Variants in FREM2 observed in about 807,000 individuals in gnomAD.
FREM2 encodes the protein FRAS1 related extracellular matrix 2.
Under a neutral mutation model 219.9 loss-of-function variants are expected in FREM2, and 119 were observed. That is an observed-to-expected ratio of 0.54 (90% CI 0.47 to 0.63). FREM2 has a LOEUF of 0.63. Among genes scored for constraint, FREM2 ranks in the 30% least tolerant of loss-of-function variants. FREM2 has a pLI of 0.00. For missense variants in FREM2, 4,030 were observed against 3,993.6 expected, an observed-to-expected ratio of 1.01 and a Z score of -0.25; for synonymous variants, 1,562 against 1,522.8, an observed-to-expected ratio of 1.03 and a Z score of -0.60.
At chr13:38,751,644 T>C (rs1378452360) in intron 2 of FREM2, among the ~76,000 whole-genome samples, 2 of 152,196 alleles carry the variant, frequency 1.3e-5, no homozygotes, top group Non-Finnish European at 2.9e-5. Context: ...AGATTTTGTA[T>C]TATAATGTAT....
At chr13:38,695,948 GGAAAGATAACCATACA>G (rs1317730564) in intron 1 of FREM2, among the ~76,000 whole-genome samples, 1 of 152,080 alleles carries the variant, frequency 6.6e-6, no homozygotes, top group Non-Finnish European at 1.5e-5. Context: ...TCATCTACTG[GGAAAGATAACCATACA>G]GAAAGATAAA....
chr13:38,824,722 C>T (rs1876206540), intron 6 of FREM2, among the ~76,000 whole-genome samples: 1 of 151,978 alleles, frequency 6.6e-6, no homozygotes, highest in African/African-American at 2.4e-5. Flanking sequence ...GTTAGATACA[C>T]ACAAAACCTG....
chr13:38,783,400 A>G (rs530955524), intron 5 of FREM2, among the ~76,000 whole-genome samples: 20 of 151,706 alleles, frequency 1.3e-4, no homozygotes, highest in Non-Finnish European at 2.5e-4. Context: ...ACTTACTGCA[A>G]TACTCAAGGC....
intron 11 of FREM2, among the ~76,000 whole-genome samples, chr13:38,852,215 T>C (rs981985193): frequency 3.9e-5 from 6 of 152,172 alleles, no homozygotes; most frequent in East Asian, 1.9e-4. Context: ...CTACCACTTA[T>C]AAGTGAGAAC....
At chr13:38,695,087 A>G (rs1335880419) in intron 1 of FREM2, among the ~76,000 whole-genome samples, 1 of 152,232 alleles carries the variant, frequency 6.6e-6, no homozygotes, top group Non-Finnish European at 1.5e-5. Flanking sequence ...AATCTAGATA[A>G]TTCTTAGATA....
At chr13:38,844,763 C>G (rs1041991516) in intron 6 of FREM2, among the ~76,000 whole-genome samples, 7 of 152,176 alleles carry the variant, frequency 4.6e-5, no homozygotes, top group Admixed American at 1.3e-4. Context: ...AAGAGACTTA[C>G]AGAGATCACT....
rs750989546 is a variant in FREM2, at chr13:38,864,523, G to T, written c.7900G>T (p.Ala2634Ser). Residue 2634 changes from alanine to serine, a missense_variant, in exon 16 of 24, where the codon GCC becomes TCC. Physicochemically the swap from Ala to Ser is moderately conservative, Grantham distance 99 (BLOSUM62 1). Transcript: ENST00000280481. Reference protein sequence around the residue: ...LRFYRNLNLEACLWEFVSYYD... With the variant: ...LRFYRNLNLESCLWEFVSYYD... ...CTTCTACCGGAACCTGAACCTAGAG[G>T]CCTGTTTATGGGAGTTCGTTAGCTA... The T allele has an allele frequency of 1.2e-6, 2 of 1,614,190 alleles. No individual in the cohort carries two copies. Among genetic ancestry groups the T allele is most frequent in the East Asian group, 2.2e-5 (1 of 44,888 alleles).
chr13:38,814,948 C>T (rs1875704704), intron 6 of FREM2, among the ~76,000 whole-genome samples: 1 of 152,266 alleles, frequency 6.6e-6, no homozygotes, highest in Non-Finnish European at 1.5e-5. Flanking sequence ...AGGCACAGGA[C>T]TCAGCCTTCA....
rs9576631 is a variant in FREM2, at chr13:38,865,698, C to T, written c.7983+1092C>T. 4.5e-4 allele frequency among the ~76,000 whole-genome samples: 68 copies of T among 152,260 alleles called. No individual in the cohort carries two copies. In the East Asian group the frequency reaches 0.01, roughly 23 times the overall value. Reference sequence around the variant, plus strand: ...AGAGGTGGTGAGACATGACCATAGCCACCTTGTCAAAAAGCAGCAACATTT... The same window carrying T: ...AGAGGTGGTGAGACATGACCATAGCTACCTTGTCAAAAAGCAGCAACATTT... On this transcript the variant is annotated intron_variant, in intron 16 of 23. Coordinates refer to ENST00000280481, the MANE Select transcript of FREM2 (RefSeq NM_207361.6).
In FREM2 at chr13:38,816,601, A is replaced by G. The variant is rs139276935; in HGVS notation, c.6020-29972A>G. Reference sequence around the variant, plus strand: ...CAATGCAGTAACAGCCATATATGACAAACACACAGCTAACATCATACAGAG... The same window carrying G: ...CAATGCAGTAACAGCCATATATGACGAACACACAGCTAACATCATACAGAG... On this transcript the variant is annotated intron_variant, in intron 6 of 23. Transcript: ENST00000280481. 9.2e-5 allele frequency among the ~76,000 whole-genome samples: 14 copies of G among 152,344 alleles called. No homozygotes were observed. The East Asian group carries it at 2.5e-3, about 27-fold the overall frequency.
At chr13:38,847,443 T>A (rs1396426171) in intron 7 of FREM2, among the ~76,000 whole-genome samples, 1 of 152,190 alleles carries the variant, frequency 6.6e-6, no homozygotes, top group Non-Finnish European at 1.5e-5. Context: ...GGTTTTAACT[T>A]TTTTAATGTA....
intron 2 of FREM2, among the ~76,000 whole-genome samples, chr13:38,760,471 A>G (rs985033030): frequency 6.6e-6 from 1 of 152,224 alleles, no homozygotes; most frequent in East Asian, 1.9e-4. Context: ...CCACAAAGGA[A>G]GTGGAAGGGT....
At chr13:38,835,140 G>C (rs1239674679) in intron 6 of FREM2, among the ~76,000 whole-genome samples, 1 of 152,162 alleles carries the variant, frequency 6.6e-6, no homozygotes, top group African/African-American at 2.4e-5. Context: ...TGTAAGGAAG[G>C]AGTCCGGTTT....
At chr13:38,812,121 C>G (rs555203200) in intron 6 of FREM2, among the ~76,000 whole-genome samples, 25 of 152,198 alleles carry the variant, frequency 1.6e-4, no homozygotes, top group Admixed American at 9.2e-4. Context: ...TACTCCTGCT[C>G]TTTTTTGGTT....
chr13:38,846,754 G>T (rs758020273), intron 7 of FREM2, 32 bp downstream of exon 7: 1 of 1,612,408 alleles, frequency 6.2e-7, no homozygotes. Flanking sequence ...TCTTTTGATT[G>T]TTCTGCAATT....
chr13:38,868,114 C>A (rs569781896), intron 16 of FREM2, among the ~76,000 whole-genome samples: 2 of 152,326 alleles, frequency 1.3e-5, no homozygotes, highest in African/African-American at 4.8e-5. Flanking sequence ...GTCTCCTACA[C>A]CCTCACCTCA....
At chr13:38,826,877 C>T (rs1876308220) in intron 6 of FREM2, among the ~76,000 whole-genome samples, 1 of 152,006 alleles carries the variant, frequency 6.6e-6, no homozygotes, top group Admixed American at 6.6e-5. Flanking sequence ...CATAAAGTGA[C>T]ATCTCATTTT....
intron 8 of FREM2, 97 bp from the exon 9 acceptor site, chr13:38,849,938 TCTC>T (rs1027118563): frequency 1.6e-5 from 15 of 943,406 alleles, no homozygotes; most frequent in Admixed American, 5.7e-5. Context: ...ATCCAGTTCT[TCTC>T]ACTTACTTTC....
chr13:38,731,726 C>T (rs1871774360), intron 2 of FREM2, among the ~76,000 whole-genome samples: 1 of 152,170 alleles, frequency 6.6e-6, no homozygotes, highest in Middle Eastern at 3.2e-3. Context: ...AATGAACAGA[C>T]AGGCAGGCCT....
Sources: gnomAD v4.1 joint callset for allele counts (sites outside exome capture counted in the v4.1 genomes callset) on GRCh38, gnomAD v4.1.1 for gene constraint, MANE v1.5 for transcripts, NCBI Gene and HGNC (gene_info 2026-07-23, HGNC 2026-07-21) for gene names.